CDK7: variants seen among roughly 807,000 people sequenced by gnomAD.
CDK7 encodes the protein cyclin-dependent kinase 7.
A neutral mutation model predicts 49.1 loss-of-function variants in CDK7; 25 were observed. That is an observed-to-expected ratio of 0.51 (90% CI 0.37 to 0.71). The LOEUF is 0.71. CDK7 is among the 30% of genes least tolerant of loss of function. The pLI, the probability that CDK7 is intolerant of heterozygous loss-of-function variation, is 0.00. For synonymous variants in CDK7, 107 were observed against 140.0 expected (o/e 0.76, Z 1.67); for missense variants, 316 against 411.7 (o/e 0.77, Z 2.01).
intron 5 of CDK7, among the ~76,000 whole-genome samples, chr5:69,256,678 A>G (rs1353892409): frequency 6.6e-6 from 1 of 152,130 alleles, no homozygotes; most frequent in African/African-American, 2.4e-5. Flanking sequence ...TGGTATTGCT[A>G]GATCACAAGA....
At chr5:69,260,872 C>A (rs539860160) in intron 7 of CDK7, among the ~76,000 whole-genome samples, 30 of 152,148 alleles carry the variant, frequency 2.0e-4, no homozygotes, top group African/African-American at 7.2e-4. Context: ...GGCTGAAGTG[C>A]GGTTGTGCAA....
chr5:69,245,305 C>CCTTCCCCCCCG (rs1749673367), intron 2 of CDK7, among the ~76,000 whole-genome samples: 2 of 135,166 alleles, frequency 1.5e-5, no homozygotes, highest in African/African-American at 2.8e-5. Context: ...TTCCCCCTCC[C>CCTTCCCCCCCG]CTTCCCCCTC....
chr5:69,249,735 AC>A (rs1271270303), intron 2 of CDK7, among the ~76,000 whole-genome samples: 1 of 152,044 alleles, frequency 6.6e-6, no homozygotes, highest in African/African-American at 2.4e-5. Context: ...AATTCCAGCT[AC>A]CTGGGAGGCT....
At chr5:69,235,940 A>C (rs1460174612) in intron 2 of CDK7, among the ~76,000 whole-genome samples, 1 of 152,200 alleles carries the variant, frequency 6.6e-6, no homozygotes, top group Non-Finnish European at 1.5e-5. Context: ...TCTTATATTC[A>C]TTCAAAAGAC....
At chr5:69,235,286 C>G in intron 1 of CDK7, 108 bp from the exon 2 acceptor site, 1 of 894,674 alleles carries the variant, frequency 1.1e-6, no homozygotes, top group East Asian at 2.6e-5. Context: ...CCAGCCGCCG[C>G]GAGTCTGCTC....
intron 8 of CDK7, among the ~76,000 whole-genome samples, chr5:69,265,071 G>T (rs545382868): frequency 1.8e-4 from 28 of 152,110 alleles, no homozygotes; most frequent in African/African-American, 6.7e-4. Flanking sequence ...AGACCATCCT[G>T]GCTAACACAG....
chr5:69,247,215 T>C (rs923420796), intron 2 of CDK7, among the ~76,000 whole-genome samples: 5 of 152,214 alleles, frequency 3.3e-5, no homozygotes, highest in Non-Finnish European at 5.9e-5. Flanking sequence ...CACCTATTAT[T>C]GTATGGGGTC....
chr5:69,251,600 T>C (rs1750150097), intron 2 of CDK7, among the ~76,000 whole-genome samples: 1 of 152,102 alleles, frequency 6.6e-6, no homozygotes, highest in African/African-American at 2.4e-5. Flanking sequence ...AGTACAGCAG[T>C]GTGATCATGG....
intron 4 of CDK7, 111 bp from the exon 5 acceptor site, chr5:69,255,349 G>T: frequency 1.6e-6 from 1 of 611,154 alleles, no homozygotes; most frequent in Middle Eastern, 4.7e-4. Flanking sequence ...AAGCTTTATA[G>T]GGAATTACCA....
intron 7 of CDK7, among the ~76,000 whole-genome samples, chr5:69,261,518 GTGTGTGTA>G (rs1264174480): frequency 6.9e-6 from 1 of 144,108 alleles, no homozygotes; most frequent in Non-Finnish European, 1.5e-5. Flanking sequence ...GTGTGTGTGT[GTGTGTGTA>G]TGTGTGTGTG....
chr5:69,246,415 G>A (rs1749760366), intron 2 of CDK7, among the ~76,000 whole-genome samples: 1 of 152,114 alleles, frequency 6.6e-6, no homozygotes, highest in South Asian at 2.1e-4. Flanking sequence ...GATTACAGGT[G>A]TGAGCCACCG....
chr5:69,273,739 A>G (rs982574373), intron 10 of CDK7, among the ~76,000 whole-genome samples: 21 of 152,190 alleles, frequency 1.4e-4, no homozygotes, highest in East Asian at 3.8e-4. Context: ...CTTTATGGAA[A>G]CATATTAATG....
chr5:69,270,255 G>A (rs1000309175), intron 9 of CDK7, among the ~76,000 whole-genome samples: 6 of 151,990 alleles, frequency 3.9e-5, no homozygotes, highest in African/African-American at 1.4e-4. Flanking sequence ...GGGCAACATA[G>A]TGAGACTTCG....
intron 2 of CDK7, among the ~76,000 whole-genome samples, chr5:69,236,516 T>C (rs757856170): frequency 2.3e-4 from 34 of 150,288 alleles, no homozygotes; most frequent in Non-Finnish European, 4.4e-4. Flanking sequence ...CCTTGGAAGT[T>C]ATCCATATTT....
intron 3 of CDK7, 115 bp from the exon 4 acceptor site, chr5:69,254,487 A>C (rs1387363722): frequency 1.4e-5 from 8 of 575,086 alleles, no homozygotes; most frequent in Admixed American, 3.0e-5. Flanking sequence ...ACGCCACTAC[A>C]CTCTAGCCTG....
Position 69,273,083 on chromosome 5 carries a change from A to C in CDK7, c.864+42A>C, listed in dbSNP as rs944667135. 6 of 1,306,024 alleles carry C rather than the reference A, an allele frequency of 4.6e-6. No homozygotes were observed. The African/African-American group carries it at 8.9e-5, about 19-fold the overall frequency. The allele number at this position is 1,306,024 out of a possible 1,614,324, so 80.9% of individuals were successfully genotyped here. A position where few individuals can be genotyped will look rare whatever the true frequency, so the allele number is the denominator to read the frequency against. On this transcript the variant is annotated intron_variant, in intron 10 of 11. Coordinates refer to ENST00000256443, the MANE Select transcript of CDK7 (RefSeq NM_001799.4). ...TTTTTATACTAGGAAATATAAAAAT[A>C]ATCTTAACTGTAGCATTGATAAAAA...
Position 69,262,186 on chromosome 5 carries a change from A to C in CDK7, c.528-19A>C, listed in dbSNP as rs756946289. 1.6e-5 allele frequency: 26 copies of C among 1,612,698 alleles called. No individual in the cohort carries two copies. The highest frequency in any genetic ancestry group is 2.1e-5 in the Non-Finnish European group (25 of 1,179,918). On this transcript the variant is annotated intron_variant, in intron 7 of 11. Coordinates refer to ENST00000256443, the MANE Select transcript of CDK7 (RefSeq NM_001799.4). ...GATAATTTCATGCTAAAATGATACT[A>C]ATTCTTTTTGTTCTTTAGGTGGTAT...
rs1290830565 is a variant in CDK7 at position 69,269,393 on chromosome 5, C to T, written c.714+100C>T. On this transcript the variant is annotated intron_variant, in intron 9 of 11. Coordinates refer to ENST00000256443, the MANE Select transcript of CDK7 (RefSeq NM_001799.4). ...AGTGCTGTCACGTGAATATTAAAGA[C>T]ATTCATTATAATATGTACTCAGAAC... The T allele has an allele frequency of 2.0e-5, 15 of 733,654 alleles. No individual in the cohort carries two copies. The East Asian group carries it at 3.5e-4, about 17-fold the overall frequency. The allele number at this position is 733,654 out of a possible 1,614,324, so 45.4% of individuals were successfully genotyped here.
intron 2 of CDK7, 66 bp downstream of exon 2, chr5:69,235,519 A>AAAATG: frequency 2.8e-6 from 3 of 1,062,084 alleles, no homozygotes; most frequent in Non-Finnish European, 4.4e-6. Flanking sequence ...ATTGACTGAT[A>AAAATG]GCCATTTTAT....
Sources: allele counts gnomAD v4.1 joint callset (sites outside exome capture counted in the v4.1 genomes callset), GRCh38; gene constraint gnomAD v4.1.1; transcripts MANE v1.5; gene names NCBI Gene and HGNC (gene_info 2026-07-23, HGNC 2026-07-21).